Variants in NLRP13 observed in about 807,000 individuals in gnomAD.
The protein encoded by NLRP13 is NACHT, LRR and PYD domains-containing protein 13.
NLRP13 carries 82 observed loss-of-function variants against 94.4 expected under a neutral mutation model. The ratio of observed to expected loss-of-function variants is 0.87; its 90% confidence interval spans 0.73 to 1.04. The LOEUF is 1.04. Ranked by LOEUF, NLRP13 falls within the 50% of genes least tolerant of loss-of-function variation. NLRP13 has a pLI of 0.00. For synonymous variants in NLRP13, 553 were observed against 464.7 expected, an observed-to-expected ratio of 1.19 and a Z score of -2.45; for missense variants, 1,426 against 1,230.8, an observed-to-expected ratio of 1.16 and a Z score of -2.37.
intron 9 of NLRP13, 21 bp downstream of exon 9, chr19:55,902,014 G>A (rs1986193823): frequency 6.2e-7 from 1 of 1,612,418 alleles, no homozygotes; most frequent in African/African-American, 1.3e-5. Flanking sequence ...TGCCAACTCA[G>A]AGGGAGCCAA....
chr19:55,930,898 A>ACACACACGTATATATATACATATAT, intron 1 of NLRP13, among the ~76,000 whole-genome samples: 3 of 104,908 alleles, frequency 2.9e-5, no homozygotes, highest in African/African-American at 1.2e-4. Context: ...ATATATATAT[A>ACACACACGTATATATATACATATAT]AAATTTTAAC....
chr19:55,905,290 C>A (rs1986305585), intron 7 of NLRP13, among the ~76,000 whole-genome samples, 178 bp from the exon 8 acceptor site: 1 of 151,568 alleles, frequency 6.6e-6, no homozygotes, highest in South Asian at 2.1e-4. Flanking sequence ...GCCTGTAATC[C>A]CAGCAGTTTG....
chr19:55,927,557 G>T (rs1393211648), intron 1 of NLRP13, among the ~76,000 whole-genome samples: 1 of 151,976 alleles, frequency 6.6e-6, no homozygotes, highest in African/African-American at 2.4e-5. Flanking sequence ...TCCTTGGGTG[G>T]GGTAGAGGGT....
Position 55,912,231 on chromosome 19 carries a change from C to CCA in NLRP13, c.1584_1585dup (p.Gly529ValfsTer10), listed in dbSNP as rs755216081. 5 of 1,614,058 alleles carry CCA rather than the reference C, an allele frequency of 3.1e-6. No homozygotes were observed. Among genetic ancestry groups the CCA allele is most frequent in the Middle Eastern group, 1.6e-4 (1 of 6,062 alleles). ...TAGGTGGGTGAAAGTAGTGCAACCCCCACAGTCATTGATCTTTTGAAGAAT... is the reference window on the plus strand; with the variant it reads ...TAGGTGGGTGAAAGTAGTGCAACCCCCACACAGTCATTGATCTTTTGAAGAAT... On this transcript the variant is annotated frameshift_variant, in exon 5 of 11. Coordinates refer to ENST00000342929, the MANE Select transcript of NLRP13 (RefSeq NM_176810.2). LOFTEE classifies it high-confidence loss of function.
intron 9 of NLRP13, among the ~76,000 whole-genome samples, chr19:55,900,085 A>T (rs1353831198): frequency 1.3e-5 from 2 of 152,142 alleles, no homozygotes; most frequent in African/African-American, 2.4e-5. Context: ...ATTTGAGGTG[A>T]TGGACACATT....
In NLRP13 at chr19:55,911,831, G is replaced by A; in HGVS notation, c.1986C>T (p.Asp662=). The stretch of plus-strand genomic sequence containing the variant: ...GTTCTTCGTCCTCCAAAATATTAAG[G>A]TCAACTTCAAAGATACGACCCAACA... ...KKMLGRIFEV[D]LNILEDEELQ... Residue 662 remains aspartate (D), a synonymous_variant, in exon 5 of 11, where the codon GAC becomes GAT. Coordinates refer to ENST00000342929, the MANE Select transcript of NLRP13 (RefSeq NM_176810.2). 6.2e-7 allele frequency: 1 copy of A among 1,614,096 alleles called. No homozygotes were observed. Among genetic ancestry groups the A allele is most frequent in the Non-Finnish European group, 8.5e-7 (1 of 1,180,000 alleles).
intron 1 of NLRP13, among the ~76,000 whole-genome samples, chr19:55,931,044 G>A (rs952829181): frequency 1.4e-5 from 2 of 147,042 alleles, no homozygotes; most frequent in Admixed American, 6.7e-5. Flanking sequence ...TGCCACAGAA[G>A]ATGTGGCATG....
chr19:55,930,886 A>T (rs1027220636), intron 1 of NLRP13, among the ~76,000 whole-genome samples: 1 of 121,606 alleles, frequency 8.2e-6, no homozygotes, highest in East Asian at 2.4e-4. Context: ...ATATATATAT[A>T]TATATATATA....
chr19:55,931,722 A>AG lies in NLRP13; in HGVS notation c.319+270_319+271insC, dbSNP rs1468023647. 1.0e-4 allele frequency among the ~76,000 whole-genome samples: 11 copies of AG among 107,416 alleles called. No homozygotes were observed. In the Admixed American group the frequency reaches 1.0e-3, roughly 10 times the overall value. The allele number at this position is 107,416 out of a possible 152,430, so 70.5% of individuals were successfully genotyped here. A position where few individuals can be genotyped will look rare whatever the true frequency, so the allele number is the denominator to read the frequency against. On this transcript the variant is annotated intron_variant, in intron 1 of 10. Transcript: ENST00000342929. ...GAGACTCAGGCTCAAAAAAAAAAAA[A>AG]AAAGAAAGAAAGAAAGAAAGAAAAA... is the stretch of plus-strand genomic sequence containing the variant.
rs1163877425 is a variant in NLRP13, at chr19:55,919,578, G to T, written c.523+4336C>A. 2.6e-5 allele frequency among the ~76,000 whole-genome samples: 4 copies of T among 151,612 alleles called. No homozygotes were observed. The East Asian group carries it at 7.7e-4, about 29-fold the overall frequency. ...CCTTTCTATACTCCATAATGATCAA[G>T]CTGAGAACCAAATTAAGAAGGCAAT... On this transcript the variant is annotated intron_variant, in intron 4 of 10. Transcript: ENST00000342929.
In NLRP13 at chr19:55,910,571, C is replaced by T. The variant is rs750104000; in HGVS notation, c.2274G>A (p.Gln758=). 1.9e-6 allele frequency: 3 copies of T among 1,602,882 alleles called. No homozygotes were observed. The highest frequency in any genetic ancestry group is 2.6e-6 in the Non-Finnish European group (3 of 1,172,006). ...TGGCGTCTCACACTTACGTCAGTTT[C>T]TGGACTTTGCATCTTGGATTTTTCA... ...LALKNPRCKV[Q]KLTCKSVTPE... is the part of the protein sequence containing the mutation. Residue 758 remains glutamine (Q), a synonymous_variant, in exon 6 of 11, where the codon CAG becomes CAA. Transcript: ENST00000342929.
intron 4 of NLRP13, among the ~76,000 whole-genome samples, chr19:55,914,839 G>T (rs918839262): frequency 6.6e-6 from 1 of 152,146 alleles, no homozygotes; most frequent in Non-Finnish European, 1.5e-5. Context: ...GGATACCTAG[G>T]TTGATTTCAT....
At chr19:55,930,901 A>ATATATATATATATATATATATTTTT (rs1338071833) in intron 1 of NLRP13, among the ~76,000 whole-genome samples, 1 of 98,284 alleles carries the variant, frequency 1.0e-5, no homozygotes, top group Admixed American at 9.5e-5. Context: ...TATATATAAA[A>ATATATATATATATATATATATTTTT]TTTTAACCAG....
downstream of NLRP13, among the ~76,000 whole-genome samples, chr19:55,894,726 G>A (rs1985953391): frequency 6.6e-6 from 1 of 152,182 alleles, no homozygotes; most frequent in African/African-American, 2.4e-5. Context: ...GACTCTCAAG[G>A]ACAAGGCTCA....
intron 6 of NLRP13, among the ~76,000 whole-genome samples, chr19:55,909,542 A>AT (rs1172006063): frequency 6.7e-6 from 1 of 150,260 alleles, no homozygotes; most frequent in Admixed American, 6.6e-5. Flanking sequence ...ATCTCCAGGA[A>AT]AAAAAAAAAA....
intron 1 of NLRP13, among the ~76,000 whole-genome samples, chr19:55,931,291 C>G (rs2840020): frequency 6.6e-6 from 1 of 151,796 alleles, no homozygotes; most frequent in East Asian, 2.0e-4. Context: ...GGGGGCAGGG[C>G]GGGGGTTGTT....
At chr19:55,930,880 A>ATG (rs1987102251) in intron 1 of NLRP13, among the ~76,000 whole-genome samples, 2 of 80,154 alleles carry the variant, frequency 2.5e-5, no homozygotes, top group Admixed American at 1.3e-4. Context: ...GTGATTATAT[A>ATG]TATATATATA....
downstream of NLRP13, among the ~76,000 whole-genome samples, chr19:55,895,510 C>A (rs1253729518): frequency 1.3e-5 from 2 of 152,084 alleles, no homozygotes; most frequent in Admixed American, 6.6e-5. Flanking sequence ...CGGTGAAACC[C>A]CCATCTCTAC....
chr19:55,931,499 G>A (rs940072183), intron 1 of NLRP13, among the ~76,000 whole-genome samples: 46 of 151,636 alleles, frequency 3.0e-4, no homozygotes, highest in African/African-American at 1.1e-3. Context: ...ACGAGGTCAG[G>A]AGATTGAGAC....
Sources: gnomAD v4.1 joint callset for allele counts (sites outside exome capture counted in the v4.1 genomes callset) on GRCh38, gnomAD v4.1.1 for gene constraint, MANE v1.5 for transcripts, NCBI Gene and HGNC (gene_info 2026-07-23, HGNC 2026-07-21) for gene names.